Variants in DOK5 observed in about 807,000 individuals in gnomAD.
The protein encoded by DOK5 is downstream of tyrosine kinase 5.
A neutral mutation model predicts 43.3 loss-of-function variants in DOK5; 27 were observed. The observed-to-expected ratio is 0.62, with a 90% confidence interval of 0.46 to 0.86. DOK5 has a LOEUF of 0.86. Ranked by LOEUF, DOK5 falls within the 40% of genes least tolerant of loss-of-function variation. The pLI, the probability that DOK5 is intolerant of heterozygous loss-of-function variation, is 0.00. For synonymous variants in DOK5, 146 were observed against 140.1 expected (o/e 1.04, Z -0.30); for missense variants, 373 against 392.9 (o/e 0.95, Z 0.43).
Position 54,591,670 on chromosome 20 carries a change from G to A in DOK5, c.464G>A (p.Cys155Tyr), listed in dbSNP as rs200999095. Residue 155 changes from cysteine (C) to tyrosine (Y), a missense_variant, in exon 5 of 8, where the codon TGT becomes TAT. Cys to Tyr is a radical substitution (Grantham distance 194). Coordinates refer to ENST00000262593, the MANE Select transcript of DOK5 (RefSeq NM_018431.5). ...CCTAACTTAGATGTACATGGCGAAT[G>A]TGCCTTGCAGATTACATATGAGTAT... ...PSPNLDVHGE[C>Y]ALQITYEYIC... 32 of 1,613,526 alleles carry A rather than the reference G, an allele frequency of 2.0e-5. No individual in the cohort carries two copies. The highest frequency in any genetic ancestry group is 2.4e-5 in the Non-Finnish European group (28 of 1,179,858).
chr20:54,545,595 T>G (rs1316036404), intron 1 of DOK5, among the ~76,000 whole-genome samples: 1 of 152,206 alleles, frequency 6.6e-6, no homozygotes, highest in African/African-American at 2.4e-5. Context: ...AGAAGTTGTA[T>G]GAGATAACAT....
chr20:54,624,077 T>C (rs904539258), intron 6 of DOK5, among the ~76,000 whole-genome samples: 4 of 152,220 alleles, frequency 2.6e-5, no homozygotes, highest in Non-Finnish European at 5.9e-5. Context: ...GACTATGAGG[T>C]AAGGCCCCTG....
intron 1 of DOK5, among the ~76,000 whole-genome samples, chr20:54,497,346 A>G (rs1023653936): frequency 3.3e-5 from 5 of 152,240 alleles, no homozygotes; most frequent in Non-Finnish European, 4.4e-5. Context: ...TTAAAATGCC[A>G]ATTTAAACAG....
At chr20:54,635,345 A>G (rs1284210831) in intron 6 of DOK5, among the ~76,000 whole-genome samples, 1 of 152,196 alleles carries the variant, frequency 6.6e-6, no homozygotes, top group African/African-American at 2.4e-5. Flanking sequence ...TCTCTGATCC[A>G]GGAGAGAATT....
intron 7 of DOK5, among the ~76,000 whole-genome samples, chr20:54,644,702 T>A (rs1600764661): frequency 3.9e-5 from 1 of 25,764 alleles, no homozygotes; most frequent in African/African-American, 2.9e-4. Context: ...AGAGACTCCG[T>A]CTCAAAAAAA....
chr20:54,580,639 A>G (rs780639777), intron 2 of DOK5, among the ~76,000 whole-genome samples: 2 of 152,118 alleles, frequency 1.3e-5, no homozygotes, highest in Non-Finnish European at 2.9e-5. Flanking sequence ...TGATATATCC[A>G]TTGGTCAGTG....
intron 2 of DOK5, among the ~76,000 whole-genome samples, chr20:54,583,920 G>A (rs942209686): frequency 6.6e-6 from 1 of 151,704 alleles, no homozygotes; most frequent in African/African-American, 2.4e-5. Context: ...TAGCACTTTG[G>A]GAGGCTGAGG....
In DOK5 at chr20:54,605,457, C is replaced by T. The variant is rs1322591685; in HGVS notation, c.600-4931C>T. On this transcript the variant is annotated intron_variant, in intron 5 of 7. Coordinates refer to ENST00000262593, the MANE Select transcript of DOK5 (RefSeq NM_018431.5). ...AGCACATGCACACTTGTGCTCTGTCCACTGGGGGCTCAGCCCCGCAGGCTA... is the reference window on the plus strand; with the variant it reads ...AGCACATGCACACTTGTGCTCTGTCTACTGGGGGCTCAGCCCCGCAGGCTA... 2.6e-5 allele frequency among the ~76,000 whole-genome samples: 4 copies of T among 152,220 alleles called. No individual in the cohort carries two copies. In the East Asian group the frequency reaches 7.7e-4, roughly 29 times the overall value.
chr20:54,585,823 G>T (rs1277672478), intron 2 of DOK5, among the ~76,000 whole-genome samples: 3 of 152,164 alleles, frequency 2.0e-5, no homozygotes, highest in Non-Finnish European at 1.5e-5. Context: ...AAATGAGATA[G>T]TCTCTATAAA....
At chr20:54,598,006 G>A (rs958532699) in intron 5 of DOK5, among the ~76,000 whole-genome samples, 2 of 152,080 alleles carry the variant, frequency 1.3e-5, no homozygotes, top group African/African-American at 4.8e-5. Context: ...GCGCACTGGG[G>A]TATAAATGTT....
At chr20:54,571,594 C>CT (rs1985283063) in intron 2 of DOK5, among the ~76,000 whole-genome samples, 1 of 151,974 alleles carries the variant, frequency 6.6e-6, no homozygotes, top group African/African-American at 2.4e-5. Flanking sequence ...ATTCTGACAG[C>CT]CAAAAATATC....
intron 1 of DOK5, among the ~76,000 whole-genome samples, chr20:54,497,689 C>T (rs1194851350): frequency 6.6e-6 from 1 of 152,068 alleles, no homozygotes; most frequent in Non-Finnish European, 1.5e-5. Flanking sequence ...TTTCTGCATG[C>T]TTGTAGGAAA....
At chr20:54,557,044 A>G (rs568806268) in intron 2 of DOK5, among the ~76,000 whole-genome samples, 1 of 152,302 alleles carries the variant, frequency 6.6e-6, no homozygotes, top group Non-Finnish European at 1.5e-5. Context: ...TGTATGCTCA[A>G]AATGTATGGA....
At chr20:54,532,905 T>A (rs562962274) in intron 1 of DOK5, among the ~76,000 whole-genome samples, 65 of 152,322 alleles carry the variant, frequency 4.3e-4, no homozygotes, top group Non-Finnish European at 7.4e-4. Flanking sequence ...GGACAACTGG[T>A]ATGTCTTGGC....
At chr20:54,509,413 T>C (rs77778133) in intron 1 of DOK5, among the ~76,000 whole-genome samples, 3,059 of 152,250 alleles carry the variant, frequency 0.02, 107 homozygotes, top group African/African-American at 0.071. Context: ...AGGTTGGTCT[T>C]GAACACCTTG....
At chr20:54,496,595 G>A (rs987428673) in intron 1 of DOK5, among the ~76,000 whole-genome samples, 5 of 151,662 alleles carry the variant, frequency 3.3e-5, no homozygotes, top group Non-Finnish European at 7.4e-5. Context: ...GTGAAACCCC[G>A]TCTCTACTAA....
chr20:54,624,624 C>G (rs920945293), intron 6 of DOK5, among the ~76,000 whole-genome samples: 1 of 152,034 alleles, frequency 6.6e-6, no homozygotes, highest in African/African-American at 2.4e-5. Flanking sequence ...AAACTCAGTC[C>G]CTAAGGATAT....
chr20:54,607,224 T>A (rs2870331), intron 5 of DOK5, among the ~76,000 whole-genome samples: 6 of 152,008 alleles, frequency 3.9e-5, no homozygotes, highest in African/African-American at 1.5e-4. Flanking sequence ...CCACATAGAC[T>A]CCTGTCTAGG....
chr20:54,642,933 G>T (rs183646422), intron 6 of DOK5, among the ~76,000 whole-genome samples: 14 of 152,174 alleles, frequency 9.2e-5, no homozygotes, highest in Admixed American at 8.5e-4. Flanking sequence ...TCCAAGATAG[G>T]CTCCAGTCCC....
Sources: gnomAD v4.1 joint callset for allele counts (sites outside exome capture counted in the v4.1 genomes callset) on GRCh38, gnomAD v4.1.1 for gene constraint, MANE v1.5 for transcripts, NCBI Gene and HGNC (gene_info 2026-07-23, HGNC 2026-07-21) for gene names.